The following MAPK10 variants were observed in gnomAD, a reference collection of about 807,000 sequenced individuals.
MAPK10 encodes mitogen-activated protein kinase 10.
Under a neutral mutation model 59.3 loss-of-function variants are expected in MAPK10, and 25 were observed. The observed-to-expected ratio is 0.42, with a 90% CI of 0.31 to 0.59. The LOEUF (loss-of-function observed/expected upper bound fraction) is 0.59, where lower values mean the gene tolerates loss of function less well. Among genes scored for constraint, MAPK10 ranks in the 20% least tolerant of loss-of-function variants. MAPK10 has a pLI of 0.15. For synonymous variants in MAPK10, 190 were observed against 200.5 expected, an observed-to-expected ratio of 0.95 and a Z score of 0.44; for missense variants, 351 against 568.9, an observed-to-expected ratio of 0.62 and a Z score of 3.90.
At chr4:86,143,321 C>T (rs1022540170) in intron 4 of MAPK10, among the ~76,000 whole-genome samples, 1 of 152,198 alleles carries the variant, frequency 6.6e-6, no homozygotes, top group East Asian at 1.9e-4. Flanking sequence ...GGAGACACAG[C>T]TAAACCATAT....
intron 1 of MAPK10, among the ~76,000 whole-genome samples, chr4:86,442,693 ACT>A (rs139697834): frequency 0.011 from 1,616 of 151,902 alleles, 44 homozygotes; most frequent in African/African-American, 0.036. Context: ...GTTTTTTCCC[ACT>A]CTGTTTCTGT....
At chr4:86,239,694 A>C (rs1353439386) in intron 2 of MAPK10, among the ~76,000 whole-genome samples, 1 of 150,726 alleles carries the variant, frequency 6.6e-6, no homozygotes. Context: ...CAGTGGCGAT[A>C]TCCTCTTTAT....
chr4:86,062,095 C>T (rs947294274), intron 11 of MAPK10, among the ~76,000 whole-genome samples: 2 of 152,128 alleles, frequency 1.3e-5, no homozygotes, highest in Non-Finnish European at 2.9e-5. Flanking sequence ...CTGTAATGCA[C>T]TTCATAGAGT....
intron 1 of MAPK10, among the ~76,000 whole-genome samples, chr4:86,518,184 G>A (rs1476328870): frequency 1.3e-5 from 2 of 152,104 alleles, no homozygotes; most frequent in African/African-American, 2.4e-5. Flanking sequence ...CACTATACCC[G>A]GCTAACCTTT....
intron 2 of MAPK10, among the ~76,000 whole-genome samples, chr4:86,280,534 A>G (rs1345958779): frequency 6.6e-6 from 1 of 152,192 alleles, no homozygotes; most frequent in African/African-American, 2.4e-5. Context: ...CAGTGTGGAC[A>G]GCAGCTTGGA....
chr4:86,044,112 T>C (rs779015898), intron 11 of MAPK10, among the ~76,000 whole-genome samples: 40 of 152,276 alleles, frequency 2.6e-4, no homozygotes, highest in Non-Finnish European at 4.7e-4. Context: ...GCTCTTGAAA[T>C]GCTGTTAATC....
intron 1 of MAPK10, among the ~76,000 whole-genome samples, chr4:86,506,364 G>A (rs1479909691): frequency 3.3e-5 from 5 of 152,074 alleles, no homozygotes; most frequent in Admixed American, 3.3e-4. Context: ...GAGGGTCTTG[G>A]TTCAAATTGT....
chr4:86,487,390 G>A (rs985003040), intron 1 of MAPK10, among the ~76,000 whole-genome samples: 1 of 109,370 alleles, frequency 9.1e-6, no homozygotes, highest in Non-Finnish European at 2.2e-5. Flanking sequence ...TGTGTAGAGA[G>A]AGAAAGAAGG....
chr4:86,578,708 AAG>A (rs1410007551), intron 1 of MAPK10, among the ~76,000 whole-genome samples: 2 of 152,054 alleles, frequency 1.3e-5, no homozygotes, highest in Admixed American at 6.5e-5. Context: ...TGCAGTTTAT[AAG>A]AGTTTTCTAG....
chr4:86,226,496 A>T (rs1262036342), intron 2 of MAPK10, among the ~76,000 whole-genome samples: 1 of 152,254 alleles, frequency 6.6e-6, no homozygotes, highest in Non-Finnish European at 1.5e-5. Context: ...GCCAGAGTTT[A>T]AAGATATTTC....
intron 3 of MAPK10, among the ~76,000 whole-genome samples, chr4:86,177,674 T>C (rs1283820370): frequency 6.6e-6 from 1 of 152,064 alleles, no homozygotes; most frequent in Non-Finnish European, 1.5e-5. Flanking sequence ...CTCCAGACAC[T>C]TCTTTTTACA....
chr4:86,074,836 T>A (rs1392300767), intron 9 of MAPK10, among the ~76,000 whole-genome samples: 4 of 118,452 alleles, frequency 3.4e-5, no homozygotes, highest in Non-Finnish European at 7.3e-5. Flanking sequence ...ATTTTTTCCT[T>A]CATTTCAACT....
intron 11 of MAPK10, among the ~76,000 whole-genome samples, chr4:86,063,507 A>G (rs2046118876): frequency 6.6e-6 from 1 of 152,140 alleles, no homozygotes; most frequent in Non-Finnish European, 1.5e-5. Flanking sequence ...GGCAGTGCAG[A>G]AAGGAAATTC....
intron 4 of MAPK10, among the ~76,000 whole-genome samples, chr4:86,113,647 A>AT (rs1312056077): frequency 2.0e-5 from 3 of 151,602 alleles, no homozygotes; most frequent in Non-Finnish European, 2.9e-5. Flanking sequence ...TGCTCTTAAC[A>AT]TTTTTTCCTT....
At chr4:86,435,117 T>C (rs1475195863) in intron 1 of MAPK10, among the ~76,000 whole-genome samples, 1 of 152,120 alleles carries the variant, frequency 6.6e-6, no homozygotes, top group East Asian at 1.9e-4. Flanking sequence ...GATTGGTGCT[T>C]ACCAGAGGCC....
Position 86,014,811 on chromosome 4 carries a change from A to C in MAPK10, c.*2417T>G, listed in dbSNP as rs1742664049. The C allele has an allele frequency of 6.6e-6, 1 of 152,158 alleles. No homozygotes were observed. The highest frequency in any genetic ancestry group is 6.6e-5 in the Admixed American group (1 of 15,262). The allele number at this position is 152,158 out of a possible 1,614,324, so 9.4% of individuals were successfully genotyped here. A position where few individuals can be genotyped will look rare whatever the true frequency, so the allele number is the denominator to read the frequency against. On this transcript the variant is annotated 3_prime_UTR_variant, in exon 14 of 14. Transcript: ENST00000641462. The stretch of plus-strand genomic sequence containing the variant: ...AGCACTTTGAAGATGCTGGCTGGAG[A>C]CTTCCTTCTGTCTTGTGATGTCATC...
At chr4:86,073,381 G>C (rs1175115766) in intron 9 of MAPK10, among the ~76,000 whole-genome samples, 1 of 151,372 alleles carries the variant, frequency 6.6e-6, no homozygotes, top group Non-Finnish European at 1.5e-5. Flanking sequence ...GGTTTTTTGT[G>C]TCTCTATTTC....
intron 4 of MAPK10, among the ~76,000 whole-genome samples, chr4:86,114,895 C>A (rs1184376325): frequency 6.6e-6 from 1 of 152,242 alleles, no homozygotes; most frequent in Non-Finnish European, 1.5e-5. Flanking sequence ...GGAGGCCCTG[C>A]TCAGTGAGGA....
chr4:86,409,968 T>C (rs1744916840), intron 1 of MAPK10, among the ~76,000 whole-genome samples: 1 of 152,218 alleles, frequency 6.6e-6, no homozygotes, highest in Admixed American at 6.5e-5. Flanking sequence ...GAAGGCATCC[T>C]TGTCTTGTGC....
Sources: allele counts gnomAD v4.1 joint callset (sites outside exome capture counted in the v4.1 genomes callset), GRCh38; gene constraint gnomAD v4.1.1; transcripts MANE v1.5; gene names NCBI Gene and HGNC (gene_info 2026-07-23, HGNC 2026-07-21).